ODR4: variants seen among roughly 807,000 people sequenced by gnomAD.
ODR4 encodes the protein odr-4 GPCR localization factor homolog.
In ODR4, 47 loss-of-function variants were observed where a neutral mutation model predicts 60.2. That is an observed-to-expected ratio of 0.78 (90% confidence interval 0.62 to 1.00). ODR4 has a LOEUF of 1.00. ODR4 is among the 50% of genes least tolerant of loss of function. The pLI, the probability that ODR4 is intolerant of heterozygous loss-of-function variation, is 0.00. For synonymous variants in ODR4, 178 were observed against 175.5 expected (o/e 1.01, Z -0.11); for missense variants, 488 against 530.8 (o/e 0.92, Z 0.79).
downstream of ODR4, among the ~76,000 whole-genome samples, chr1:186,426,027 G>T (rs1390527981): frequency 6.6e-6 from 1 of 152,094 alleles, no homozygotes; most frequent in African/African-American, 2.4e-5. Context: ...AAATTTATTA[G>T]GTTATGTTTT....
In ODR4 at chr1:186,388,505, G is replaced by A. The variant is rs756449569; in HGVS notation, c.394G>A (p.Val132Ile). ...KRLWNFTEEE[V>I]SERVTLHICA... is the part of the protein sequence containing the mutation. Reference sequence around the variant, plus strand: ...ATTGTGGAATTTCACAGAGGAGGAAGTCTCAGAACGAGTGACACTTCACAT... The same window carrying A: ...ATTGTGGAATTTCACAGAGGAGGAAATCTCAGAACGAGTGACACTTCACAT... The change falls in exon 5 of 14, where the codon GTC (valine) becomes ATC (isoleucine). Residue 132 changes from valine (V) to isoleucine (I), a missense_variant. Transcript: ENST00000287859. 13 of 1,569,480 alleles carry A rather than the reference G, an allele frequency of 8.3e-6. No homozygotes were observed. Among genetic ancestry groups the A allele is most frequent in the Non-Finnish European group, 1.1e-5 (13 of 1,156,976 alleles).
chr1:186,400,736 A>G (rs574848246), intron 11 of ODR4: 6 of 268,366 alleles, frequency 2.2e-5, no homozygotes, highest in Non-Finnish European at 3.5e-5. Context: ...GCTGGATTCT[A>G]TGATTGGCAG....
At position 186,415,436 on chromosome 1, in the gene ODR4, A is replaced by C. The variant is rs183202108; in HGVS notation, c.1187-2108A>C. On this transcript the variant is annotated intron_variant, in intron 12 of 13. Transcript: ENST00000287859. ...TTAAATTTAAACAGTAATATTTACT[A>C]TCTCTCTTGAGTTCTCTCTCTCTTT... Among the ~76,000 whole-genome samples, 508 of 152,312 alleles carry C rather than the reference A, an allele frequency of 3.3e-3. 5 individuals are homozygous for C. The highest frequency in any genetic ancestry group is 0.012 in the African/African-American group (480 of 41,580).
intron 3 of ODR4, among the ~76,000 whole-genome samples, chr1:186,383,692 T>TAC (rs1480849379): frequency 6.6e-6 from 1 of 151,076 alleles, no homozygotes; most frequent in African/African-American, 2.4e-5. Flanking sequence ...TATATATATA[T>TAC]ATATATGGAC....
At chr1:186,389,511 T>A (rs774638571) in intron 5 of ODR4, 77 bp from the exon 6 acceptor site, 9 of 1,187,084 alleles carry the variant, frequency 7.6e-6, no homozygotes, top group Non-Finnish European at 1.1e-5. Flanking sequence ...CATTTTTTAG[T>A]TTATTTTTTG....
intron 4 of ODR4, among the ~76,000 whole-genome samples, chr1:186,388,146 A>G (rs1202635746): frequency 2.0e-5 from 3 of 152,184 alleles, no homozygotes; most frequent in East Asian, 3.8e-4. Context: ...GTAATTTCCT[A>G]AAAGGAATTC....
At chr1:186,426,066 G>C (rs1480438271), downstream of ODR4, among the ~76,000 whole-genome samples, 1 of 152,064 alleles carries the variant, frequency 6.6e-6, no homozygotes, top group Non-Finnish European at 1.5e-5. Context: ...GAGCTTATTA[G>C]TTCTACCTTT....
At chr1:186,409,468 ATTAT>A (rs1661292455) in intron 12 of ODR4, among the ~76,000 whole-genome samples, 1 of 152,234 alleles carries the variant, frequency 6.6e-6, no homozygotes, top group Non-Finnish European at 1.5e-5. Flanking sequence ...GACTGAATAA[ATTAT>A]TTATTTTGTC....
At chr1:186,425,063 T>C (rs1000309223), downstream of ODR4, among the ~76,000 whole-genome samples, 3 of 152,018 alleles carry the variant, frequency 2.0e-5, no homozygotes, top group Admixed American at 6.6e-5. Flanking sequence ...GTAGTTACAA[T>C]GTACCCCCTG....
chr1:186,397,147 G>C (rs530807773), intron 9 of ODR4, among the ~76,000 whole-genome samples: 2 of 152,270 alleles, frequency 1.3e-5, no homozygotes, highest in African/African-American at 4.8e-5. Context: ...ACACCTAGAA[G>C]ATTTACATTG....
At chr1:186,412,441 T>C (rs1353020216) in intron 12 of ODR4, among the ~76,000 whole-genome samples, 1 of 152,114 alleles carries the variant, frequency 6.6e-6, no homozygotes, top group Non-Finnish European at 1.5e-5. Flanking sequence ...TGGTATGAGA[T>C]GTATTACAAC....
At chr1:186,396,265 A>G (rs542333496) in intron 9 of ODR4, among the ~76,000 whole-genome samples, 2 of 152,246 alleles carry the variant, frequency 1.3e-5, no homozygotes, top group Admixed American at 1.3e-4. Flanking sequence ...GTAGACCCCA[A>G]CTGGTCTACA....
rs1320540777 is a variant in ODR4, at chr1:186,375,965, C to T, written c.-29C>T. ...TAATTGTCTGCCACGAGTGCACATT[C>T]TGAAAACAGGTAAGTCAGCCTAAGT... On this transcript the variant is annotated 5_prime_UTR_variant, in exon 1 of 14. Transcript: ENST00000287859. The T allele has an allele frequency of 4.8e-6, 1 of 208,608 alleles. No individual in the cohort carries two copies. The highest frequency in any genetic ancestry group is 1.0e-5 in the Non-Finnish European group (1 of 95,688). The allele number at this position is 208,608 out of a possible 1,614,324, so 12.9% of individuals were successfully genotyped here. A position where few individuals can be genotyped will look rare whatever the true frequency, so the allele number is the denominator to read the frequency against.
chr1:186,418,599 C>T (rs745615854), intron 13 of ODR4, among the ~76,000 whole-genome samples: 15 of 152,176 alleles, frequency 9.9e-5, no homozygotes, highest in Admixed American at 3.3e-4. Flanking sequence ...TCAGTAGCTA[C>T]ACAAGTTACA....
At chr1:186,395,017 A>G (rs1660615545) in intron 9 of ODR4, among the ~76,000 whole-genome samples, 1 of 152,238 alleles carries the variant, frequency 6.6e-6, no homozygotes, top group Non-Finnish European at 1.5e-5. Flanking sequence ...ATAAAATTGT[A>G]GTTGGGAGAT....
intron 8 of ODR4, 21 bp downstream of exon 8, chr1:186,391,812 C>G (rs755638701): frequency 7.0e-7 from 1 of 1,428,686 alleles, no homozygotes; most frequent in South Asian, 1.2e-5. Context: ...AGAAAATCAT[C>G]TTATTAAATT....
chr1:186,407,442 A>C (rs1661214004), intron 12 of ODR4, among the ~76,000 whole-genome samples: 1 of 152,012 alleles, frequency 6.6e-6, no homozygotes. Context: ...TGTTTTGTTC[A>C]CTTCTCTATC....
At chr1:186,409,846 T>C (rs1294567799) in intron 12 of ODR4, among the ~76,000 whole-genome samples, 4 of 152,114 alleles carry the variant, frequency 2.6e-5, no homozygotes, top group Non-Finnish European at 4.4e-5. Context: ...GGCCAGCCAA[T>C]AGAGTTTTTT....
At chr1:186,382,931 A>G in intron 2 of ODR4, 91 bp from the exon 3 acceptor site, 2 of 1,299,792 alleles carry the variant, frequency 1.5e-6, no homozygotes, top group Non-Finnish European at 2.1e-6. Flanking sequence ...CAGTTTTTGC[A>G]TGTCATAAAA....
Sources: allele counts gnomAD v4.1 joint callset (sites outside exome capture counted in the v4.1 genomes callset), GRCh38; gene constraint gnomAD v4.1.1; transcripts MANE v1.5; gene names NCBI Gene and HGNC (gene_info 2026-07-23, HGNC 2026-07-21).